The following DENND5B variants were observed in gnomAD, a reference collection of about 807,000 sequenced individuals.
The protein encoded by DENND5B is DENN domain containing 5B.
A neutral mutation model predicts 140.6 loss-of-function variants in DENND5B; 34 were observed. That is an observed-to-expected ratio of 0.24 (90% CI 0.18 to 0.32). The LOEUF (loss-of-function observed/expected upper bound fraction) is 0.32, where lower values mean the gene tolerates loss of function less well. Among genes scored for constraint, DENND5B ranks in the 10% least tolerant of loss-of-function variants. DENND5B has a pLI of 1.00. For missense variants in DENND5B, 1,142 were observed against 1,560.2 expected, an observed-to-expected ratio of 0.73 and a Z score of 4.52; for synonymous variants, 551 against 562.1, an observed-to-expected ratio of 0.98 and a Z score of 0.28.
intron 3 of DENND5B, among the ~76,000 whole-genome samples, chr12:31,470,937 A>C (rs1945529193): frequency 1.3e-5 from 2 of 152,222 alleles, no homozygotes; most frequent in Admixed American, 6.5e-5. Context: ...CATTTACTGA[A>C]GGTAAAAGTA....
At chr12:31,451,772 A>T in intron 5 of DENND5B, 168 bp downstream of exon 5, 1 of 737,894 alleles carries the variant, frequency 1.4e-6, no homozygotes, top group South Asian at 2.2e-5. Flanking sequence ...CTTGGTAAAG[A>T]AAAGTTCTTA....
intron 12 of DENND5B, among the ~76,000 whole-genome samples, 189 bp from the exon 13 acceptor site, chr12:31,413,753 T>C (rs756448136): frequency 4.6e-5 from 7 of 152,336 alleles, no homozygotes; most frequent in Middle Eastern, 3.4e-3. Flanking sequence ...CACATCATAA[T>C]TGCCATTACA....
At chr12:31,447,818 C>T (rs1195404060) in intron 5 of DENND5B, 49 bp from the exon 6 acceptor site, 4 of 1,298,474 alleles carry the variant, frequency 3.1e-6, no homozygotes, top group Admixed American at 2.1e-5. Flanking sequence ...ACCATCTCAA[C>T]ACTACATGAT....
intron 1 of DENND5B, among the ~76,000 whole-genome samples, chr12:31,559,232 C>A (rs898490305): frequency 6.6e-6 from 1 of 152,124 alleles, no homozygotes; most frequent in African/African-American, 2.4e-5. Flanking sequence ...AATTAAGCTA[C>A]CCTCCCTAAG....
chr12:31,433,345 C>T, intron 7 of DENND5B, 97 bp from the exon 8 acceptor site: 1 of 1,043,614 alleles, frequency 9.6e-7, no homozygotes, highest in South Asian at 1.8e-5. Context: ...ATTTTAAAAT[C>T]AATTATTTAA....
chr12:31,441,452 T>A (rs1364040643), intron 7 of DENND5B, among the ~76,000 whole-genome samples: 1 of 151,484 alleles, frequency 6.6e-6, no homozygotes, highest in East Asian at 2.0e-4. Context: ...ACTCCTAAAG[T>A]GCTGGGATTA....
At chr12:31,451,173 A>G (rs1281310195) in intron 5 of DENND5B, among the ~76,000 whole-genome samples, 1 of 152,212 alleles carries the variant, frequency 6.6e-6, no homozygotes, top group Non-Finnish European at 1.5e-5. Context: ...AATGATTTCT[A>G]GACTAAATAA....
chr12:31,410,141 G>A (rs1350064111), intron 13 of DENND5B, among the ~76,000 whole-genome samples: 2 of 152,140 alleles, frequency 1.3e-5, no homozygotes, highest in African/African-American at 4.8e-5. Context: ...GTGTTGACAA[G>A]GAAGAAATGA....
At chr12:31,438,995 C>T (rs886649583) in intron 7 of DENND5B, among the ~76,000 whole-genome samples, 1 of 152,146 alleles carries the variant, frequency 6.6e-6, no homozygotes, top group Admixed American at 6.5e-5. Flanking sequence ...ACAAAATGGC[C>T]TACTTAATTT....
intron 1 of DENND5B, among the ~76,000 whole-genome samples, chr12:31,542,666 T>A (rs73086471): frequency 0.13 from 19,303 of 152,028 alleles, 1,563 homozygotes; most frequent in Non-Finnish European, 0.18. Context: ...TAAAATTTTT[T>A]AAAAATGGGT....
chr12:31,576,661 T>A (rs1950028270), intron 1 of DENND5B, among the ~76,000 whole-genome samples: 1 of 151,976 alleles, frequency 6.6e-6, no homozygotes, highest in Non-Finnish European at 1.5e-5. Flanking sequence ...GGAGGGAGGA[T>A]TACTTGAAGT....
intron 1 of DENND5B, among the ~76,000 whole-genome samples, chr12:31,526,049 C>T (rs920265873): frequency 5.3e-5 from 8 of 152,120 alleles, no homozygotes; most frequent in Admixed American, 2.0e-4. Context: ...TAAATGTGAT[C>T]TTCTCCCTAT....
intron 3 of DENND5B, among the ~76,000 whole-genome samples, chr12:31,472,513 A>G (rs1385497497): frequency 6.6e-6 from 1 of 152,120 alleles, no homozygotes; most frequent in African/African-American, 2.4e-5. Flanking sequence ...GCTGGTCTCA[A>G]ACTCCTGAAC....
intron 17 of DENND5B, 65 bp from the exon 18 acceptor site, chr12:31,392,761 AT>A: frequency 7.0e-7 from 1 of 1,422,636 alleles, no homozygotes; most frequent in Non-Finnish European, 9.6e-7. Context: ...ACTATGGGAC[AT>A]CAACTGTGTC....
At chr12:31,433,003 A>G (rs1044351129) in intron 8 of DENND5B, 152 bp downstream of exon 8, 4 of 618,118 alleles carry the variant, frequency 6.5e-6, no homozygotes, top group Admixed American at 3.4e-5. Flanking sequence ...TTTCTGCTAT[A>G]TGTCCGTACA....
At chr12:31,463,498 G>A (rs1399138591) in intron 3 of DENND5B, among the ~76,000 whole-genome samples, 3 of 152,088 alleles carry the variant, frequency 2.0e-5, no homozygotes, top group Non-Finnish European at 4.4e-5. Context: ...ATTTTTGAAC[G>A]AATAGATGAT....
rs758871606 is a variant in DENND5B at position 31,413,438 on chromosome 12, G to A, written c.2679C>T (p.Thr893=). Residue 893 remains threonine (T), a splice_region_variant and synonymous_variant, in exon 13 of 21, where the codon ACC becomes ACT. Transcript: ENST00000389082. ...ATGTATCAAAGATGGTATCTTACTT[G>A]GTGAGTGGTTGGTTAGAAAGCAACT... is the stretch of plus-strand genomic sequence containing the variant. ...LKQLLSNQPL[T]KKLYKRYAFL... The A allele has an allele frequency of 3.1e-6, 5 of 1,611,724 alleles. No homozygotes were observed. The highest frequency in any genetic ancestry group is 2.2e-5 in the East Asian group (1 of 44,864).
At chr12:31,562,602 G>A (rs769825199) in intron 1 of DENND5B, among the ~76,000 whole-genome samples, 7 of 151,332 alleles carry the variant, frequency 4.6e-5, no homozygotes, top group East Asian at 1.9e-4. Context: ...CAACAAAGGC[G>A]AAACTCTGTC....
At chr12:31,519,425 T>C (rs1947797019) in intron 1 of DENND5B, among the ~76,000 whole-genome samples, 1 of 152,206 alleles carries the variant, frequency 6.6e-6, no homozygotes, top group Non-Finnish European at 1.5e-5. Context: ...AATGGATAAA[T>C]TCCTTAACAA....
Sources: gnomAD v4.1 joint callset for allele counts (sites outside exome capture counted in the v4.1 genomes callset) on GRCh38, gnomAD v4.1.1 for gene constraint, MANE v1.5 for transcripts, NCBI Gene and HGNC (gene_info 2026-07-23, HGNC 2026-07-21) for gene names.